The following FHIP1A variants were observed in gnomAD, a reference collection of about 807,000 sequenced individuals.
FHIP1A encodes FHF complex subunit HOOK interacting protein 1A.
Under a neutral mutation model 88.6 loss-of-function variants are expected in FHIP1A, and 61 were observed. That is an observed-to-expected ratio of 0.69 (90% CI 0.56 to 0.85). FHIP1A has a LOEUF of 0.85. FHIP1A is among the 40% of genes least tolerant of loss of function. FHIP1A has a pLI of 0.00. For synonymous variants in FHIP1A, 478 were observed against 496.0 expected, an observed-to-expected ratio of 0.96 and a Z score of 0.48; for missense variants, 1,154 against 1,273.5, an observed-to-expected ratio of 0.91 and a Z score of 1.43.
intron 8 of FHIP1A, among the ~76,000 whole-genome samples, chr4:151,637,141 C>T (rs1386670686): frequency 6.6e-6 from 1 of 152,014 alleles, no homozygotes; most frequent in Non-Finnish European, 1.5e-5. Flanking sequence ...GAATCCACAC[C>T]TCATGCCATA....
chr4:151,661,052 G>T (rs1436577206), intron 13 of FHIP1A, among the ~76,000 whole-genome samples: 1 of 152,208 alleles, frequency 6.6e-6, no homozygotes, highest in Non-Finnish European at 1.5e-5. Flanking sequence ...AGAGAATGGG[G>T]CAGGGAATTC....
Position 151,656,774 on chromosome 4 carries a change from G to A in FHIP1A, c.2745G>A (p.Val915=). ...VRSLYQVLAS[V]KNKIEQFASV... ...GTTTTTGACAGGTCCTTGCATCTGT[G>A]AAAAACAAGATTGAACAGTTTGCTT... The change falls in exon 13 of 14, where the codon GTG becomes GTA. Residue 915 remains valine, a synonymous_variant. Transcript: ENST00000435205. The surrounding 1 kb of genome is among the most constrained non-coding windows in gnomAD (Gnocchi z 4.2). 1 of 1,551,336 alleles carries A rather than the reference G, an allele frequency of 6.4e-7. No individual in the cohort carries two copies. Among genetic ancestry groups the A allele is most frequent in the African/African-American group, 1.4e-5 (1 of 73,146 alleles).
intron 1 of FHIP1A, among the ~76,000 whole-genome samples, chr4:151,449,102 T>C (rs1458341178): frequency 1.3e-5 from 2 of 152,256 alleles, no homozygotes; most frequent in East Asian, 3.9e-4. Context: ...ATGATGATGG[T>C]TTTTTTAGTA....
intron 8 of FHIP1A, among the ~76,000 whole-genome samples, chr4:151,633,599 G>T (rs1285876698): frequency 6.6e-6 from 1 of 151,868 alleles, no homozygotes; most frequent in Non-Finnish European, 1.5e-5. Flanking sequence ...GGTAAGGATT[G>T]TATAACATGA....
chr4:151,438,060 C>T (rs1279083511), intron 1 of FHIP1A, among the ~76,000 whole-genome samples: 2 of 152,046 alleles, frequency 1.3e-5, no homozygotes, highest in Admixed American at 6.6e-5. Context: ...CCCCAGCCCC[C>T]CAAACTGGGA....
At chr4:151,643,725 A>T (rs1736683138) in intron 9 of FHIP1A, among the ~76,000 whole-genome samples, 1 of 152,174 alleles carries the variant, frequency 6.6e-6, no homozygotes, top group Non-Finnish European at 1.5e-5. Flanking sequence ...CACTTAACAT[A>T]ATAACCTCTG....
intron 1 of FHIP1A, among the ~76,000 whole-genome samples, chr4:151,428,489 T>G (rs924667181): frequency 2.6e-5 from 4 of 152,150 alleles, no homozygotes; most frequent in Non-Finnish European, 5.9e-5. Flanking sequence ...ATTCGTCTCT[T>G]AACTGGTCTT....
At chr4:151,649,414 T>A in intron 10 of FHIP1A, 45 bp from the exon 11 acceptor site, 1 of 1,425,206 alleles carries the variant, frequency 7.0e-7, no homozygotes, top group Non-Finnish European at 9.5e-7. Flanking sequence ...ACTACCTTTG[T>A]CCCCACACCT....
At chr4:151,629,620 G>C (rs1224081741) in intron 7 of FHIP1A, 82 bp from the exon 8 acceptor site, 1 of 1,275,764 alleles carries the variant, frequency 7.8e-7, no homozygotes, top group South Asian at 1.4e-5. Context: ...TGTCACTGTG[G>C]TGAGGCTGGG....
chr4:151,661,396 C>G (rs1578876463), intron 13 of FHIP1A, among the ~76,000 whole-genome samples: 1 of 146,710 alleles, frequency 6.8e-6, no homozygotes. Flanking sequence ...TTAAAGCAGT[C>G]AAGTGGAAGT....
At chr4:151,468,530 TA>T (rs1464790133) in intron 2 of FHIP1A, among the ~76,000 whole-genome samples, 1 of 152,130 alleles carries the variant, frequency 6.6e-6, no homozygotes, top group Admixed American at 6.5e-5. Context: ...GGAAACTCAG[TA>T]TTTTTTTCAC....
chr4:151,586,557 C>A, intron 5 of FHIP1A, 84 bp from the exon 6 acceptor site: 1 of 1,097,622 alleles, frequency 9.1e-7, no homozygotes. Context: ...TTGGGACCAG[C>A]AGCATTGGCA....
intron 3 of FHIP1A, among the ~76,000 whole-genome samples, chr4:151,499,390 G>A (rs190836160): frequency 2.6e-5 from 4 of 152,086 alleles, no homozygotes; most frequent in South Asian, 4.1e-4. Flanking sequence ...TTATTTTTAC[G>A]TGAAGCCAGA....
rs150929668 is a variant in FHIP1A at position 151,592,054 on chromosome 4, A to G, written c.978+3128A>G. Reference sequence around the variant, plus strand: ...GAGGAATTGCCACACTGTCTTCCACAATGGTTGAACTAATTTACACTCCCG... The same window carrying G: ...GAGGAATTGCCACACTGTCTTCCACGATGGTTGAACTAATTTACACTCCCG... On this transcript the variant is annotated intron_variant, in intron 7 of 13. Transcript: ENST00000435205. Among the ~76,000 whole-genome samples the G allele has an allele frequency of 5.3e-3, 805 of 152,228 alleles. 6 individuals are homozygous for G. Among genetic ancestry groups the G allele is most frequent in the African/African-American group, 0.019 (783 of 41,534 alleles).
At chr4:151,505,498 C>T (rs778589245) in intron 3 of FHIP1A, among the ~76,000 whole-genome samples, 2 of 152,180 alleles carry the variant, frequency 1.3e-5, no homozygotes, top group Non-Finnish European at 2.9e-5. Flanking sequence ...CCATTTATTC[C>T]AGTGTCATTG....
At chr4:151,642,994 T>G in intron 9 of FHIP1A, among the ~76,000 whole-genome samples, 1 of 151,364 alleles carries the variant, frequency 6.6e-6, no homozygotes, top group East Asian at 1.9e-4. Flanking sequence ...AATCTGGACC[T>G]CTGAAGTCAG....
chr4:151,488,027 G>T (rs1271794320), intron 3 of FHIP1A, among the ~76,000 whole-genome samples: 1 of 152,130 alleles, frequency 6.6e-6, no homozygotes, highest in African/African-American at 2.4e-5. Flanking sequence ...TACATTCATT[G>T]TAAGGGTTCT....
At chr4:151,489,543 C>T (rs1730209112) in intron 3 of FHIP1A, among the ~76,000 whole-genome samples, 1 of 152,168 alleles carries the variant, frequency 6.6e-6, no homozygotes, top group African/African-American at 2.4e-5. Flanking sequence ...GGCCTGAGAG[C>T]CCTGCTTGCT....
chr4:151,496,854 C>T (rs1354043717), intron 3 of FHIP1A, among the ~76,000 whole-genome samples: 1 of 151,416 alleles, frequency 6.6e-6, no homozygotes, highest in Non-Finnish European at 1.5e-5. Flanking sequence ...GAGCCACTGC[C>T]CTTGGCCAGG....
Sources: gnomAD v4.1 joint callset for allele counts (sites outside exome capture counted in the v4.1 genomes callset) on GRCh38, gnomAD v4.1.1 for gene constraint, Gnocchi (gnomAD v3.1) non-coding constraint, MANE v1.5 for transcripts, NCBI Gene and HGNC (gene_info 2026-07-23, HGNC 2026-07-21) for gene names.